TENM4: variants seen among roughly 807,000 people sequenced by gnomAD.
The protein encoded by TENM4 is teneurin-4.
Under a neutral mutation model 243.3 loss-of-function variants are expected in TENM4, and 82 were observed. That is an observed-to-expected ratio of 0.34 (90% CI 0.28 to 0.40). The LOEUF is 0.40. Ranked by LOEUF, TENM4 falls within the 10% of genes least tolerant of loss-of-function variation. The pLI, the probability that TENM4 is intolerant of heterozygous loss-of-function variation, is 1.00. For synonymous variants in TENM4, 1,412 were observed against 1,456.3 expected (o/e 0.97, Z 0.69); for missense variants, 3,138 against 3,673.3 (o/e 0.85, Z 3.77).
At chr11:78,737,469 G>A (rs907356096) in intron 20 of TENM4, among the ~76,000 whole-genome samples, 2 of 152,138 alleles carry the variant, frequency 1.3e-5, no homozygotes, top group East Asian at 1.9e-4. Flanking sequence ...TTATCACCTC[G>A]GCCGGGACAT....
rs1448790016 is a variant in TENM4 at position 78,669,427 on chromosome 11, G to A, written c.6918C>T (p.His2306=). Residue 2306 remains histidine, a synonymous_variant, in exon 32 of 34, where the codon CAC becomes CAT. Transcript: ENST00000278550. This position sits in a 1 kb window ranked among gnomAD's most constrained non-coding sequence, Gnocchi z 6.4. Reference sequence around the variant, plus strand: ...CATAGAAGAACTGCAGGTGGTGGCTGTGGCTGCTCTTGCTGGACACGCGCC... The same window carrying A: ...CATAGAAGAACTGCAGGTGGTGGCTATGGCTGCTCTTGCTGGACACGCGCC... ...LGRRVSSKSS[H]SHHLQFFYAD... is the part of the protein sequence containing the mutation. 6.2e-7 allele frequency: 1 copy of A among 1,613,092 alleles called. No individual in the cohort carries two copies. Among genetic ancestry groups the A allele is most frequent in the South Asian group, 1.1e-5 (1 of 90,944 alleles).
chr11:79,211,321 C>T (rs956135321), intron 3 of TENM4, among the ~76,000 whole-genome samples: 15 of 152,154 alleles, frequency 9.9e-5, no homozygotes, highest in African/African-American at 3.1e-4. Context: ...TCCCACTTCC[C>T]GTCTTCTCTT....
chr11:79,076,998 T>C (rs948165098), intron 4 of TENM4, among the ~76,000 whole-genome samples: 1 of 152,202 alleles, frequency 6.6e-6, no homozygotes, highest in African/African-American at 2.4e-5. Context: ...GATTTGAAAC[T>C]GAAGAAAATG....
intron 32 of TENM4, among the ~76,000 whole-genome samples, chr11:78,664,848 C>A (rs1423069258): frequency 2.0e-5 from 3 of 152,194 alleles, no homozygotes; most frequent in Non-Finnish European, 1.5e-5. Flanking sequence ...AGGAATACTG[C>A]AAATTCTCAG....
chr11:79,044,452 T>C (rs569705634), intron 6 of TENM4, among the ~76,000 whole-genome samples: 8 of 152,244 alleles, frequency 5.3e-5, no homozygotes, highest in African/African-American at 2.4e-5. Flanking sequence ...GTAGGGAAGA[T>C]GGTAGAGCCT....
intron 1 of TENM4, among the ~76,000 whole-genome samples, chr11:79,421,999 C>T (rs974270022): frequency 1.2e-4 from 18 of 152,066 alleles, no homozygotes; most frequent in Admixed American, 3.3e-4. Flanking sequence ...ACACCCCACA[C>T]GTGGCGCCTG....
At chr11:78,740,829 C>T (rs1855913827) in intron 19 of TENM4, among the ~76,000 whole-genome samples, 1 of 152,214 alleles carries the variant, frequency 6.6e-6, no homozygotes, top group Non-Finnish European at 1.5e-5. Flanking sequence ...TGATTGATCT[C>T]TCTTTGGGGA....
intron 3 of TENM4, among the ~76,000 whole-genome samples, chr11:79,175,876 G>A (rs1432831040): frequency 6.6e-6 from 1 of 152,174 alleles, no homozygotes; most frequent in Non-Finnish European, 1.5e-5. Context: ...CTTGAGCCCA[G>A]GAGTTTGAGA....
At position 78,862,993 on chromosome 11, in the gene TENM4, G is replaced by T; in HGVS notation, c.1224C>A (p.Thr408=). Residue 408 remains threonine, a synonymous_variant, in exon 10 of 34, where the codon ACC becomes ACA. Coordinates refer to ENST00000278550, the MANE Select transcript of TENM4 (RefSeq NM_001098816.3). ...TGGTTCCTTTGCCTTTCCTGTCAGG[G>T]GTCTCTAAGCCAGTGCCCCCTGAGG... The part of the protein sequence containing the change: ...LYPSGGTGLE[T]PDRKGKGTTE... 3 of 1,491,040 alleles carry T rather than the reference G, an allele frequency of 2.0e-6. No homozygotes were observed. The highest frequency in any genetic ancestry group is 1.8e-6 in the Non-Finnish European group (2 of 1,103,834). The allele number at this position is 1,491,040 out of a possible 1,614,324, so 92.4% of individuals were successfully genotyped here. A position where few individuals can be genotyped will look rare whatever the true frequency, so the allele number is the denominator to read the frequency against.
intron 12 of TENM4, among the ~76,000 whole-genome samples, chr11:78,835,332 C>T (rs2136157604): frequency 6.6e-6 from 1 of 152,192 alleles, no homozygotes; most frequent in Middle Eastern, 3.4e-3. Context: ...ATGGTGAAAC[C>T]CTGTCTCTAC....
chr11:78,988,665 A>T (rs1209250666), intron 6 of TENM4, among the ~76,000 whole-genome samples: 3 of 152,096 alleles, frequency 2.0e-5, no homozygotes, highest in Non-Finnish European at 4.4e-5. Flanking sequence ...TGGTTTTCAC[A>T]ATCCCCCCAC....
At position 79,243,375 on chromosome 11, in the gene TENM4, C is replaced by T. The variant is rs532205856; in HGVS notation, c.-264-27466G>A. 3.3e-5 allele frequency among the ~76,000 whole-genome samples: 5 copies of T among 152,254 alleles called. No homozygotes were observed. The South Asian group carries it at 8.3e-4, about 25-fold the overall frequency. On this transcript the variant is annotated intron_variant, in intron 2 of 33. Coordinates refer to ENST00000278550, the MANE Select transcript of TENM4 (RefSeq NM_001098816.3). ...ATTTTGCGGTCCATTTTGAATGGCA[C>T]TGGAGCAACTCTCTTTCTGAATTTG... is the stretch of plus-strand genomic sequence containing the variant.
chr11:79,070,764 T>C (rs1860394568), intron 4 of TENM4, among the ~76,000 whole-genome samples: 1 of 152,184 alleles, frequency 6.6e-6, no homozygotes, highest in African/African-American at 2.4e-5. Flanking sequence ...CGGAACCCCC[T>C]TCAAGGTCAC....
At chr11:78,785,650 A>G (rs1856920574) in intron 16 of TENM4, among the ~76,000 whole-genome samples, 1 of 152,206 alleles carries the variant, frequency 6.6e-6, no homozygotes, top group Admixed American at 6.5e-5. Context: ...CACGTTGTGA[A>G]TACTTAAAAA....
chr11:79,081,351 C>T (rs572669642), intron 4 of TENM4, among the ~76,000 whole-genome samples: 4 of 152,338 alleles, frequency 2.6e-5, no homozygotes, highest in African/African-American at 9.6e-5. Context: ...ATCAAGATAC[C>T]TTGTGTGCAC....
In TENM4 at chr11:78,966,679, A is replaced by G. The variant is rs147244504; in HGVS notation, c.494-63156T>C. 2.6e-3 allele frequency among the ~76,000 whole-genome samples: 403 copies of G among 152,270 alleles called. 2 individuals are homozygous for G. Among genetic ancestry groups the G allele is most frequent in the African/African-American group, 8.1e-3 (337 of 41,540 alleles). On this transcript the variant is annotated intron_variant, in intron 6 of 33. Coordinates refer to ENST00000278550, the MANE Select transcript of TENM4 (RefSeq NM_001098816.3). ...CTGAGCCTTGGAGGATTTCAATGAGAAAAGATAGGAGCATTAGTATCTGCG... is the reference window on the plus strand; with the variant it reads ...CTGAGCCTTGGAGGATTTCAATGAGGAAAGATAGGAGCATTAGTATCTGCG...
intron 20 of TENM4, among the ~76,000 whole-genome samples, chr11:78,735,306 C>T (rs1274581555): frequency 2.0e-5 from 3 of 152,186 alleles, no homozygotes; most frequent in Non-Finnish European, 2.9e-5. Context: ...GGTTTTGGCT[C>T]TCCAGGAGAA....
intron 3 of TENM4, among the ~76,000 whole-genome samples, chr11:79,198,091 C>T (rs767562856): frequency 2.6e-5 from 4 of 152,194 alleles, no homozygotes; most frequent in Non-Finnish European, 5.9e-5. Flanking sequence ...AGGCCTAGCA[C>T]ATTGTTTACT....
intron 1 of TENM4, among the ~76,000 whole-genome samples, chr11:79,303,997 G>A (rs1856588548): frequency 1.3e-5 from 2 of 152,284 alleles, no homozygotes; most frequent in South Asian, 4.2e-4. Context: ...TAATATGGTA[G>A]GAGTGGGAAT....
Sources: gnomAD v4.1 joint callset for allele counts (sites outside exome capture counted in the v4.1 genomes callset) on GRCh38, gnomAD v4.1.1 for gene constraint, Gnocchi (gnomAD v3.1) non-coding constraint, MANE v1.5 for transcripts, NCBI Gene and HGNC (gene_info 2026-07-23, HGNC 2026-07-21) for gene names.